ARSB: variants seen among roughly 807,000 people sequenced by gnomAD.
ARSB encodes N-acetylgalactosamine-4-sulfatase.
Under a neutral mutation model 50.9 loss-of-function variants are expected in ARSB, and 41 were observed. The ratio of observed to expected loss-of-function variants is 0.81; its 90% CI spans 0.63 to 1.04. The LOEUF is 1.04. Ranked by LOEUF, ARSB falls within the 50% of genes least tolerant of loss-of-function variation. The pLI is 0.00. For missense variants in ARSB, 672 were observed against 693.3 expected (o/e 0.97, Z 0.35); for synonymous variants, 269 against 284.8 (o/e 0.94, Z 0.56).
At chr5:78,860,210 G>A (rs1746363829) in intron 5 of ARSB, among the ~76,000 whole-genome samples, 1 of 152,146 alleles carries the variant, frequency 6.6e-6, no homozygotes, top group African/African-American at 2.4e-5. Flanking sequence ...TCTGTCTAAT[G>A]TTGACAGTGG....
chr5:78,960,964 AG>A lies in ARSB; in HGVS notation c.690+3451del, dbSNP rs1421941938. 5.3e-5 allele frequency among the ~76,000 whole-genome samples: 8 copies of A among 152,296 alleles called. 1 individual carries two copies. In the East Asian group the frequency reaches 9.6e-4, roughly 18 times the overall value. On this transcript the variant is annotated intron_variant, in intron 3 of 7. Transcript: ENST00000264914. ...ATTATCCTGCTGAAAAAGAGAAAGA[AG>A]GTTCCTTCTTAACATATGTGAAATG... is the stretch of plus-strand genomic sequence containing the variant.
intron 1 of ARSB, among the ~76,000 whole-genome samples, chr5:78,972,658 G>C (rs975662508): frequency 1.3e-5 from 2 of 152,100 alleles, no homozygotes; most frequent in African/African-American, 4.8e-5. Context: ...AACCAGGCAG[G>C]ATAAGTAAAG....
intron 4 of ARSB, among the ~76,000 whole-genome samples, chr5:78,932,848 TTCTC>T (rs140242085): frequency 6.6e-6 from 1 of 151,776 alleles, no homozygotes; most frequent in East Asian, 1.9e-4. Flanking sequence ...GAATGGACCA[TTCTC>T]TCTCTCTCTG....
At chr5:78,919,754 GTACAGGAGTGAGCTGGGTT>G (rs1749714630) in intron 4 of ARSB, among the ~76,000 whole-genome samples, 2 of 152,280 alleles carry the variant, frequency 1.3e-5, no homozygotes, top group Admixed American at 1.3e-4. Context: ...GCCTCCCAAA[GTACAGGAGTGAGCTGGGTT>G]TACAGGAGTG....
At chr5:78,841,287 A>G (rs559289551) in intron 5 of ARSB, among the ~76,000 whole-genome samples, 1 of 152,226 alleles carries the variant, frequency 6.6e-6, no homozygotes, top group East Asian at 1.9e-4. Flanking sequence ...CTATGATCAC[A>G]CCACTGCACT....
intron 6 of ARSB, among the ~76,000 whole-genome samples, chr5:78,785,849 G>T (rs973176677): frequency 2.0e-5 from 3 of 152,184 alleles, no homozygotes; most frequent in Non-Finnish European, 4.4e-5. Flanking sequence ...AATGACATGA[G>T]TTCATAAATG....
chr5:78,953,860 T>A (rs78696638), intron 4 of ARSB, among the ~76,000 whole-genome samples: 5,149 of 152,150 alleles, frequency 0.034, 254 homozygotes, highest in African/African-American at 0.12. Context: ...AGTATATACA[T>A]ACATATATAT....
At chr5:78,954,166 C>A (rs1751608085) in intron 4 of ARSB, among the ~76,000 whole-genome samples, 1 of 151,610 alleles carries the variant, frequency 6.6e-6, no homozygotes, top group Non-Finnish European at 1.5e-5. Context: ...GAGTTCTGTA[C>A]AGAAAAAATA....
At chr5:78,938,071 C>T (rs1323792527) in intron 4 of ARSB, among the ~76,000 whole-genome samples, 1 of 152,164 alleles carries the variant, frequency 6.6e-6, no homozygotes, top group African/African-American at 2.4e-5. Flanking sequence ...GGTTCCCTGG[C>T]AGGAGGCCTG....
At chr5:78,880,239 CT>C (rs1234412727) in intron 5 of ARSB, among the ~76,000 whole-genome samples, 1 of 152,196 alleles carries the variant, frequency 6.6e-6, no homozygotes, top group African/African-American at 2.4e-5. Flanking sequence ...AAGGTTACTT[CT>C]GATCAACATA....
intron 4 of ARSB, among the ~76,000 whole-genome samples, chr5:78,948,311 C>T (rs1006772549): frequency 6.6e-6 from 1 of 152,000 alleles, no homozygotes; most frequent in African/African-American, 2.4e-5. Context: ...GTTGGTAACA[C>T]AAAGAAATGA....
intron 5 of ARSB, among the ~76,000 whole-genome samples, chr5:78,877,481 C>T (rs3098695): frequency 0.19 from 28,858 of 152,006 alleles, 3,067 homozygotes; most frequent in East Asian, 0.45. Flanking sequence ...CTCTGCCTCC[C>T]GGGTTCAAGC....
rs773460207 is a variant in ARSB, at chr5:78,964,517, G to C, written c.589C>G (p.Arg197Gly). The change falls in exon 3 of 8, where the codon CGA becomes GGA. Residue 197 changes from arginine (R) to glycine (G), a missense_variant. Physicochemically the swap from Arg to Gly is moderately radical, Grantham distance 125. Transcript: ENST00000264914. ...CCTGTTGCAACTTCTTCGCCATCTCGAAAATCAAGAGCACATCGTGTGACA... is the reference window on the plus strand; with the variant it reads ...CCTGTTGCAACTTCTTCGCCATCTCCAAAATCAAGAGCACATCGTGTGACA... ...LNVTRCALDFRDGEEVATGYK... is the reference protein window; with the variant it reads ...LNVTRCALDFGDGEEVATGYK... 7.4e-6 allele frequency: 12 copies of C among 1,613,814 alleles called. No individual in the cohort carries two copies. The highest frequency in any genetic ancestry group is 6.8e-6 in the Non-Finnish European group (8 of 1,179,916).
At position 78,955,379 on chromosome 5, in the gene ARSB, G is replaced by C. The variant is rs1442535742; in HGVS notation, c.814C>G (p.Leu272Val). ...ACATTTCCTACTGCTTCATCCATAA[G>C]GGACACCATTCCTGCATAGTGATGC... ...NRHHYAGMVS[L>V]MDEAVGNVTA... The change falls in exon 4 of 8, where the codon CTT (leucine) becomes GTT (valine). Residue 272 changes from leucine (L) to valine (V), a missense_variant. Physicochemically the swap from Leu to Val is conservative, Grantham distance 32. Transcript: ENST00000264914. 6.2e-7 allele frequency: 1 copy of C among 1,614,146 alleles called. No individual in the cohort carries two copies. The highest frequency in any genetic ancestry group is 8.5e-7 in the Non-Finnish European group (1 of 1,180,020).
chr5:78,915,282 C>T (rs28376183), intron 4 of ARSB, among the ~76,000 whole-genome samples: 75,416 of 151,530 alleles, frequency 0.5, 19,030 homozygotes, highest in Middle Eastern at 0.59. Flanking sequence ...TTTCTAGGCC[C>T]TTGGCTTTTT....
chr5:78,944,565 T>C (rs1392195570), intron 4 of ARSB, among the ~76,000 whole-genome samples: 1 of 152,200 alleles, frequency 6.6e-6, no homozygotes, highest in Non-Finnish European at 1.5e-5. Context: ...TTTGCCTGGG[T>C]ATCAGCAGTG....
In ARSB at chr5:78,882,495, G is replaced by C. The variant is rs775496202; in HGVS notation, c.1142+3089C>G. ...TCTAAGGGAAAAAGTCCAAAATGTA[G>C]ACAAACAGTTCATGTAGAAAGAGCT... On this transcript the variant is annotated intron_variant, in intron 5 of 7. Transcript: ENST00000264914. Among the ~76,000 whole-genome samples the C allele has an allele frequency of 4.7e-4, 72 of 152,238 alleles. 1 individual carries two copies. The Middle Eastern group carries it at 0.01, about 22-fold the overall frequency.
intron 6 of ARSB, among the ~76,000 whole-genome samples, chr5:78,826,270 C>T (rs1162544415): frequency 6.6e-6 from 1 of 152,148 alleles, no homozygotes; most frequent in Non-Finnish European, 1.5e-5. Flanking sequence ...TGGTCTTAAA[C>T]CCCTGACCTT....
chr5:78,835,645 T>C (rs1744917147), intron 6 of ARSB, among the ~76,000 whole-genome samples: 1 of 152,214 alleles, frequency 6.6e-6, no homozygotes, highest in Non-Finnish European at 1.5e-5. Context: ...TTTATGATCA[T>C]GCCTTTGGCA....
Sources: gnomAD v4.1 joint callset for allele counts (sites outside exome capture counted in the v4.1 genomes callset) on GRCh38, gnomAD v4.1.1 for gene constraint, MANE v1.5 for transcripts, NCBI Gene and HGNC (gene_info 2026-07-23, HGNC 2026-07-21) for gene names.